Variants in BRPF1 observed in about 807,000 individuals in gnomAD.
BRPF1 encodes the protein peregrin.
A neutral mutation model predicts 115.0 loss-of-function variants in BRPF1; 15 were observed. The observed-to-expected ratio is 0.13, with a 90% CI of 0.09 to 0.20. The LOEUF (loss-of-function observed/expected upper bound fraction) is 0.20, where lower values mean the gene tolerates loss of function less well. Ranked by LOEUF, BRPF1 falls within the 10% of genes least tolerant of loss-of-function variation. BRPF1 has a pLI of 1.00. For synonymous variants in BRPF1, 647 were observed against 619.8 expected (o/e 1.04, Z -0.65); for missense variants, 1,118 against 1,638.3 (o/e 0.68, Z 5.48).
chr3:9,744,459 T>A lies in BRPF1; in HGVS notation c.2871T>A (p.Ser957Arg). 1.9e-6 allele frequency: 3 copies of A among 1,583,822 alleles called. No homozygotes were observed. The highest frequency in any genetic ancestry group is 2.6e-6 in the Non-Finnish European group (3 of 1,166,374). The change falls in exon 9 of 14, where the codon AGT becomes AGA. Residue 957 changes from serine to arginine, a missense_variant. Physicochemically the swap from Ser to Arg is moderately radical, Grantham distance 110. Coordinates refer to ENST00000383829, the MANE Select transcript of BRPF1 (RefSeq NM_001003694.2). ...QRKRGRSPRP[S>R]SSSDSDSDKS... The stretch of plus-strand genomic sequence containing the variant: ...AGCGGGGTAGGAGCCCCCGGCCCAG[T>A]TCGAGCTCAGACAGCGACAGTGATA...
In BRPF1 at chr3:9,742,930, C is replaced by T; in HGVS notation, c.2002-14C>T. On this transcript the variant is annotated splice_polypyrimidine_tract_variant and intron_variant, in intron 6 of 13. Transcript: ENST00000383829. Reference sequence around the variant, plus strand: ...GATATCTCCACTTAAAACAAACCTGCCCTGCCCTTCCAGGTACCTGACTAC... The same window carrying T: ...GATATCTCCACTTAAAACAAACCTGTCCTGCCCTTCCAGGTACCTGACTAC... The T allele has an allele frequency of 6.2e-7, 1 of 1,608,412 alleles. No homozygotes were observed.
chr3:9,734,055 A>G lies in BRPF1; in HGVS notation c.-10-76A>G. The stretch of plus-strand genomic sequence containing the variant: ...GTGACTCCAAGTGAGGGGGAGGGCT[A>G]GAAAGACTGGGGTCTCTGGTGCAAA... On this transcript the variant is annotated intron_variant, in intron 1 of 13. Coordinates refer to ENST00000383829, the MANE Select transcript of BRPF1 (RefSeq NM_001003694.2). The surrounding 1 kb of genome is among the most constrained non-coding windows in gnomAD (Gnocchi z 5.7). 2 of 1,513,586 alleles carry G rather than the reference A, an allele frequency of 1.3e-6. No individual in the cohort carries two copies. Among genetic ancestry groups the G allele is most frequent in the Non-Finnish European group, 1.8e-6 (2 of 1,135,664 alleles). The allele number at this position is 1,513,586 out of a possible 1,614,324, so 93.8% of individuals were successfully genotyped here. A position where few individuals can be genotyped will look rare whatever the true frequency, so the allele number is the denominator to read the frequency against.
At chr3:9,744,974 G>T in intron 9 of BRPF1, 34 bp from the exon 10 acceptor site, 1 of 1,613,884 alleles carries the variant, frequency 6.2e-7, no homozygotes, top group Non-Finnish European at 8.5e-7. Context: ...CTTCCTGACC[G>T]GTTCCTTCCC....
chr3:9,741,951 T>G (rs1408153509), intron 5 of BRPF1, 74 bp from the exon 6 acceptor site: 1 of 1,576,722 alleles, frequency 6.3e-7, no homozygotes, highest in Admixed American at 1.8e-5. Flanking sequence ...CCAGGCCAGC[T>G]GGGACCATAT....
intron 9 of BRPF1, 73 bp from the exon 10 acceptor site, chr3:9,744,935 C>G (rs2077097222): frequency 6.2e-7 from 1 of 1,601,180 alleles, no homozygotes; most frequent in African/African-American, 1.3e-5. Flanking sequence ...CCAAGTCCCT[C>G]TTACCTCCAT....
At chr3:9,744,019 C>T in intron 8 of BRPF1, 118 bp downstream of exon 8, 1 of 1,341,782 alleles carries the variant, frequency 7.5e-7, no homozygotes, top group Admixed American at 2.6e-5. Flanking sequence ...GCTGTACTTT[C>T]TCCCTCATTC....
At position 9,745,850 on chromosome 3, in the gene BRPF1, T is replaced by G. The variant is rs766388962; in HGVS notation, c.3244T>G (p.Ser1082Ala). 3.1e-6 allele frequency: 5 copies of G among 1,614,132 alleles called. No individual in the cohort carries two copies. Among genetic ancestry groups the G allele is most frequent in the Non-Finnish European group, 4.2e-6 (5 of 1,180,004 alleles). Residue 1082 changes from serine (S) to alanine (A), a missense_variant, in exon 12 of 14, where the codon TCA (serine) becomes GCA (alanine). By Grantham distance (99) the Ser-to-Ala change is moderately conservative. This residue lies in a region of BRPF1 where 100 missense variants were observed against 109.9 expected (regional missense o/e 0.91). Coordinates refer to ENST00000383829, the MANE Select transcript of BRPF1 (RefSeq NM_001003694.2). The surrounding 1 kb of genome is among the most constrained non-coding windows in gnomAD (Gnocchi z 5.1). ...KSLGRGAGWL[S>A]EDEDSPLDAL... ...TCTGGGCCGGGGAGCTGGCTGGCTG[T>G]CAGAGGATGAGGACTCCCCGCTGGA...
Position 9,742,089 on chromosome 3 carries a change from C to T in BRPF1, c.1919C>T (p.Thr640Ile). The change falls in exon 6 of 14, where the codon ACC becomes ATC. Residue 640 changes from threonine to isoleucine, a missense_variant. Around this residue, in one of 10 missense-constraint regions of BRPF1, gnomAD observed 178 missense variants for 303.7 expected, o/e 0.59. Coordinates refer to ENST00000383829, the MANE Select transcript of BRPF1 (RefSeq NM_001003694.2). ...LTPFLILLRK[T>I]LEQLQEKDTG... ...CCTTTCCTCATCCTCCTTCGCAAAA[C>T]CTTGGAGCAGCTCCAAGAGAAGGAC... 6.2e-7 allele frequency: 1 copy of T among 1,614,206 alleles called. No homozygotes were observed. Among genetic ancestry groups the T allele is most frequent in the East Asian group, 2.2e-5 (1 of 44,880 alleles).
Position 9,745,795 on chromosome 3 carries a change from C to G in BRPF1, c.3206-17C>G. ...CCCCAGCTGCTGATCCACCCCCTCT[C>G]CCCCATTCCTGTGAAGTGGTAAGGA... On this transcript the variant is annotated splice_polypyrimidine_tract_variant and intron_variant, in intron 11 of 13. Coordinates refer to ENST00000383829, the MANE Select transcript of BRPF1 (RefSeq NM_001003694.2). The surrounding 1 kb of genome is among the most constrained non-coding windows in gnomAD (Gnocchi z 5.1). The G allele has an allele frequency of 1.2e-6, 2 of 1,612,984 alleles. No homozygotes were observed. The highest frequency in any genetic ancestry group is 1.7e-6 in the Non-Finnish European group (2 of 1,179,128).
intron 3 of BRPF1, 71 bp from the exon 4 acceptor site, chr3:9,740,708 G>C: frequency 1.3e-6 from 2 of 1,567,274 alleles, no homozygotes. Context: ...ACTTTCACTG[G>C]CCAGAGACCC....
At chr3:9,741,620 G>C (rs1310232597) in intron 5 of BRPF1, among the ~76,000 whole-genome samples, 181 bp downstream of exon 5, 1 of 136,060 alleles carries the variant, frequency 7.3e-6, no homozygotes, top group East Asian at 2.3e-4. Flanking sequence ...CTGGGCGACA[G>C]AGCGAGACTC....
At chr3:9,741,991 G>A (rs570752394) in intron 5 of BRPF1, 34 bp from the exon 6 acceptor site, 17 of 1,612,274 alleles carry the variant, frequency 1.1e-5, no homozygotes, top group African/African-American at 4.0e-5. Context: ...TGAACTGGCC[G>A]AGGCCTGGCT....
chr3:9,738,591 C>T (rs368161544), intron 2 of BRPF1, among the ~76,000 whole-genome samples: 3 of 152,114 alleles, frequency 2.0e-5, no homozygotes, highest in Non-Finnish European at 2.9e-5. Context: ...CCTTCTTCCC[C>T]GATTCTTCGT....
intron 8 of BRPF1, 122 bp from the exon 9 acceptor site, chr3:9,744,102 A>G: frequency 1.5e-6 from 2 of 1,354,088 alleles, no homozygotes; most frequent in Non-Finnish European, 2.0e-6. Context: ...CCAAGCCCCT[A>G]AAATGATCTC....
In BRPF1 at chr3:9,739,117, A is replaced by G. The variant is rs76810355; in HGVS notation, c.718A>G (p.Ile240Val). Residue 240 changes from isoleucine to valine, a missense_variant, in exon 3 of 14, where the codon ATC becomes GTC. By Grantham distance (29) the Ile-to-Val change is conservative. Around this residue, in one of 10 missense-constraint regions of BRPF1, gnomAD observed 280 missense variants for 382.8 expected, o/e 0.73. Transcript: ENST00000383829. The part of the protein sequence containing the change: ...ERRKTEGVSP[I>V]PQEIFEYLMD... Reference sequence around the variant, plus strand: ...TCGGAAGACAGAGGGTGTAAGTCCCATCCCGCAGGAGATCTTTGAGTACCT... The same window carrying G: ...TCGGAAGACAGAGGGTGTAAGTCCCGTCCCGCAGGAGATCTTTGAGTACCT... 4.3e-6 allele frequency: 7 copies of G among 1,614,110 alleles called. No individual in the cohort carries two copies. The highest frequency in any genetic ancestry group is 5.9e-6 in the Non-Finnish European group (7 of 1,179,980).
chr3:9,747,673 T>C lies in BRPF1; in HGVS notation c.*324T>C. The C allele has an allele frequency of 4.2e-6, 1 of 240,742 alleles. No homozygotes were observed. The highest frequency in any genetic ancestry group is 4.8e-5 in the Admixed American group (1 of 20,824). The allele number at this position is 240,742 out of a possible 1,614,324, so 14.9% of individuals were successfully genotyped here. A position where few individuals can be genotyped will look rare whatever the true frequency, so the allele number is the denominator to read the frequency against. On this transcript the variant is annotated 3_prime_UTR_variant, in exon 14 of 14. Transcript: ENST00000383829. This position sits in a 1 kb window ranked among gnomAD's most constrained non-coding sequence, Gnocchi z 5.6. The stretch of plus-strand genomic sequence containing the variant: ...AACAGGCCATCCCACCACCTCTACC[T>C]GCTCATGCCAGGAGAATCCATAACT...
Position 9,734,090 on chromosome 3 carries a change from A to G in BRPF1, c.-10-41A>G, listed in dbSNP as rs2076899029. 2.0e-6 allele frequency: 3 copies of G among 1,531,670 alleles called. No individual in the cohort carries two copies. The highest frequency in any genetic ancestry group is 2.6e-6 in the Non-Finnish European group (3 of 1,139,360). 94.9% of individuals were successfully genotyped at this position (1,531,670 alleles called of 1,614,324 possible). On this transcript the variant is annotated intron_variant, in intron 1 of 13. Coordinates refer to ENST00000383829, the MANE Select transcript of BRPF1 (RefSeq NM_001003694.2). This position sits in a 1 kb window ranked among gnomAD's most constrained non-coding sequence, Gnocchi z 5.7. The stretch of plus-strand genomic sequence containing the variant: ...GGGTCTCTGGTGCAAATGGCCAGGA[A>G]CTCATCCCCAGCCTTATGTTAACTG...
At position 9,747,847 on chromosome 3, in the gene BRPF1, CG is replaced by C. The variant is rs1388790781; in HGVS notation, c.*501del. The C allele has an allele frequency of 6.7e-6, 1 of 149,574 alleles. No homozygotes were observed. The highest frequency in any genetic ancestry group is 1.5e-5 in the Non-Finnish European group (1 of 67,650). 9.3% of individuals were successfully genotyped at this position (149,574 alleles called of 1,614,324 possible). A position where few individuals can be genotyped will look rare whatever the true frequency, so the allele number is the denominator to read the frequency against. On this transcript the variant is annotated 3_prime_UTR_variant, in exon 14 of 14. Transcript: ENST00000383829. The surrounding 1 kb of genome is among the most constrained non-coding windows in gnomAD (Gnocchi z 5.6). The stretch of plus-strand genomic sequence containing the variant: ...TTATTCTCATTTGTAACTGCGTTTC[CG>C]GGTCGCGCCAGAGTCATTTGGTACT...
Position 9,744,238 on chromosome 3 carries a change from A to G in BRPF1, c.2650A>G (p.Met884Val). 6.5e-7 allele frequency: 1 copy of G among 1,543,724 alleles called. No individual in the cohort carries two copies. Among genetic ancestry groups the G allele is most frequent in the Non-Finnish European group, 8.7e-7 (1 of 1,146,638 alleles). ...QETSKGLGPNMSSTPAHEVGR... is the reference protein window; with the variant it reads ...QETSKGLGPNVSSTPAHEVGR... ...CTCTGCTCCAGGCCTGGGTCCCAAC[A>G]TGTCCTCAACCCCCGCACATGAGGT... The change falls in exon 9 of 14, where the codon ATG becomes GTG. Residue 884 changes from methionine to valine, a missense_variant. By Grantham distance (21) the Met-to-Val change is conservative (BLOSUM62 1). Coordinates refer to ENST00000383829, the MANE Select transcript of BRPF1 (RefSeq NM_001003694.2).
Sources: allele counts gnomAD v4.1 joint callset (sites outside exome capture counted in the v4.1 genomes callset), GRCh38; gene constraint gnomAD v4.1.1; regional missense constraint gnomAD v4.1.1; non-coding constraint Gnocchi (gnomAD v3.1); transcripts MANE v1.5; gene names NCBI Gene and HGNC (gene_info 2026-07-23, HGNC 2026-07-21).